Variants in TMEM230 observed in about 807,000 individuals in gnomAD.
TMEM230 encodes UPF0414 transmembrane protein C20orf30.
A neutral mutation model predicts 15.8 loss-of-function variants in TMEM230; 10 were observed. The observed-to-expected ratio is 0.63, with a 90% CI of 0.39 to 1.07. TMEM230 has a LOEUF of 1.07. Ranked by LOEUF, TMEM230 falls within the 50% of genes least tolerant of loss-of-function variation. The pLI, the probability that TMEM230 is intolerant of heterozygous loss-of-function variation, is 0.01. For synonymous variants in TMEM230, 67 were observed against 76.9 expected (o/e 0.87, Z 0.68); for missense variants, 165 against 193.3 (o/e 0.85, Z 0.87).
intron 3 of TMEM230, among the ~76,000 whole-genome samples, chr20:5,079,881 A>G (rs2089128547): frequency 6.6e-6 from 1 of 152,020 alleles, no homozygotes; most frequent in Non-Finnish European, 1.5e-5. Flanking sequence ...CAGCTTCCCG[A>G]GTAGCTGGGA....
rs1334439825 is a variant in TMEM230, at chr20:5,100,435, T to C, written c.*356A>G. On this transcript the variant is annotated 3_prime_UTR_variant, in exon 5 of 5. Transcript: ENST00000342308. ...ATAATAAGAAATTAGCCATACCACATTGTTCCATTTGCTACAAGAACAAAT... is the reference window on the plus strand; with the variant it reads ...ATAATAAGAAATTAGCCATACCACACTGTTCCATTTGCTACAAGAACAAAT... 12 of 1,016,830 alleles carry C rather than the reference T, an allele frequency of 1.2e-5. No individual in the cohort carries two copies. Among genetic ancestry groups the C allele is most frequent in the Non-Finnish European group, 1.4e-5 (12 of 848,616 alleles). 63.0% of individuals were successfully genotyped at this position (1,016,830 alleles called of 1,614,324 possible).
exon 4 of TMEM230, chr20:5,069,262 C>A: frequency 6.5e-7 from 1 of 1,535,990 alleles, no homozygotes; most frequent in South Asian, 1.2e-5. Context: ...GGACTCCTCC[C>A]ACTGATGCCT....
downstream of TMEM230, among the ~76,000 whole-genome samples, chr20:5,065,551 G>T (rs1028825204): frequency 3.9e-5 from 6 of 152,186 alleles, no homozygotes; most frequent in African/African-American, 1.4e-4. Context: ...TGTGAGTGGG[G>T]CCTATTTTCC....
chr20:5,100,172 C>T lies in TMEM230; in HGVS notation c.*619G>A. Reference sequence around the variant, plus strand: ...TGCAAATTATATGCTGTCCAACCTACTGGTGAACTGGATCAGAATGGTCCA... The same window carrying T: ...TGCAAATTATATGCTGTCCAACCTATTGGTGAACTGGATCAGAATGGTCCA... On this transcript the variant is annotated 3_prime_UTR_variant, in exon 5 of 5. Transcript: ENST00000342308. The T allele has an allele frequency of 1.0e-6, 1 of 985,402 alleles. No individual in the cohort carries two copies. Among genetic ancestry groups the T allele is most frequent in the Non-Finnish European group, 1.2e-6 (1 of 829,930 alleles). The allele number at this position is 985,402 out of a possible 1,614,324, so 61.0% of individuals were successfully genotyped here. A position where few individuals can be genotyped will look rare whatever the true frequency, so the allele number is the denominator to read the frequency against.
chr20:5,060,413 T>A, the TMEM230 span, among the ~76,000 whole-genome samples: 1,623 of 145,010 alleles, frequency 0.011, 10 homozygotes, highest in Non-Finnish European at 0.013. Context: ...TTCAGCTCAC[T>A]GCAACCTCCA....
intron 3 of TMEM230, among the ~76,000 whole-genome samples, chr20:5,093,330 C>T (rs1394634818): frequency 6.6e-6 from 1 of 152,022 alleles, no homozygotes; most frequent in East Asian, 1.9e-4. Flanking sequence ...TCACTGCAAC[C>T]TCCACCTCCT....
At chr20:5,082,050 C>T (rs886863454) in intron 3 of TMEM230, among the ~76,000 whole-genome samples, 26 of 147,260 alleles carry the variant, frequency 1.8e-4, no homozygotes, top group Admixed American at 1.3e-3. Flanking sequence ...ATTTTTATGT[C>T]TTTTTTTTTC....
intron 4 of TMEM230, among the ~76,000 whole-genome samples, chr20:5,101,530 T>A (rs1333294709): frequency 6.6e-6 from 1 of 152,130 alleles, no homozygotes; most frequent in Non-Finnish European, 1.5e-5. Context: ...CAAGTGATCC[T>A]CCCACCTCAG....
chr20:5,079,948 GCA>G (rs2089131518), intron 3 of TMEM230, among the ~76,000 whole-genome samples: 1 of 152,066 alleles, frequency 6.6e-6, no homozygotes, highest in Non-Finnish European at 1.5e-5. Flanking sequence ...TTAAAAAACT[GCA>G]TAGTTTTTGT....
At chr20:5,106,824 T>C (rs565524113) in intron 3 of TMEM230, among the ~76,000 whole-genome samples, 173 of 152,226 alleles carry the variant, frequency 1.1e-3, no homozygotes, top group Non-Finnish European at 2.1e-3. Flanking sequence ...TCTTGCCTCA[T>C]CCTCTCAAGT....
chr20:5,087,014 C>G (rs1294625804), intron 3 of TMEM230, among the ~76,000 whole-genome samples: 1 of 152,140 alleles, frequency 6.6e-6, no homozygotes, highest in Non-Finnish European at 1.5e-5. Flanking sequence ...GCTGGGACTT[C>G]AGGCATGCAC....
chr20:5,080,692 TA>T lies in TMEM230; in HGVS notation c.223-11344del, dbSNP rs558963911. On this transcript the variant is annotated intron_variant, in intron 3 of 3. Transcript: ENST00000612323. ...AGTGATTCTCCCGCCTCAGCCTCCT[TA>T]ATAGCTGGGTCTACAGGCATGCGCC... 2.1e-3 allele frequency among the ~76,000 whole-genome samples: 320 copies of T among 152,154 alleles called. 1 individual carries two copies. The highest frequency in any genetic ancestry group is 3.1e-3 in the Non-Finnish European group (213 of 67,980).
At chr20:5,107,813 CA>C (rs374440749) in intron 3 of TMEM230, among the ~76,000 whole-genome samples, 48,909 of 119,818 alleles carry the variant, frequency 0.41, 8,423 homozygotes, top group South Asian at 0.62. Flanking sequence ...GACCCTGTCT[CA>C]AAAAAAAAAA....
chr20:5,077,290 A>C (rs1477938315), intron 3 of TMEM230, among the ~76,000 whole-genome samples: 1 of 152,132 alleles, frequency 6.6e-6, no homozygotes, highest in Non-Finnish European at 1.5e-5. Flanking sequence ...CCTAGGCAAC[A>C]GAGCAAGACC....
intron 1 of TMEM230, 91 bp downstream of exon 1, chr20:5,112,870 G>A (rs1259111350): frequency 1.9e-6 from 3 of 1,547,730 alleles, no homozygotes; most frequent in Non-Finnish European, 8.7e-7. Flanking sequence ...CGGATGACTC[G>A]GAGCTTGATT....
downstream of TMEM230, among the ~76,000 whole-genome samples, chr20:5,098,651 G>A (rs1329022039): frequency 1.3e-5 from 2 of 152,124 alleles, no homozygotes; most frequent in Non-Finnish European, 2.9e-5. Flanking sequence ...AGGGGACTCT[G>A]GAGGAGATTC....
intron 3 of TMEM230, among the ~76,000 whole-genome samples, chr20:5,075,948 T>C (rs1253507300): frequency 6.6e-6 from 1 of 151,102 alleles, no homozygotes; most frequent in Non-Finnish European, 1.5e-5. Flanking sequence ...TACAAAAATA[T>C]ATATACAAAA....
At chr20:5,088,958 T>G (rs1027973617) in intron 3 of TMEM230, among the ~76,000 whole-genome samples, 12 of 152,248 alleles carry the variant, frequency 7.9e-5, no homozygotes, top group Admixed American at 6.5e-4. Flanking sequence ...TCACTCTGAC[T>G]GCTGTGCTGA....
chr20:5,091,032 G>C (rs1050261055), intron 3 of TMEM230, among the ~76,000 whole-genome samples: 1 of 151,980 alleles, frequency 6.6e-6, no homozygotes, highest in East Asian at 1.9e-4. Flanking sequence ...GCAGGGTCTC[G>C]CTGTCACCCA....
Sources: allele counts gnomAD v4.1 joint callset (sites outside exome capture counted in the v4.1 genomes callset), GRCh38; gene constraint gnomAD v4.1.1; transcripts MANE v1.5; gene names NCBI Gene and HGNC (gene_info 2026-07-23, HGNC 2026-07-21).